The following ATP8B1 variants were observed in gnomAD, a reference collection of about 807,000 sequenced individuals.
ATP8B1 encodes ATPase phospholipid transporting 8B1.
A neutral mutation model predicts 149.9 loss-of-function variants in ATP8B1; 80 were observed. The ratio of observed to expected loss-of-function variants is 0.53; its 90% CI spans 0.45 to 0.64. The LOEUF is 0.64. Among genes scored for constraint, ATP8B1 ranks in the 30% least tolerant of loss-of-function variants. ATP8B1 has a pLI of 0.00. For missense variants in ATP8B1, 1,247 were observed against 1,552.6 expected (o/e 0.80, Z 3.31); for synonymous variants, 536 against 562.8 (o/e 0.95, Z 0.67).
intron 11 of ATP8B1, among the ~76,000 whole-genome samples, chr18:57,693,671 G>T (rs1184820589): frequency 6.6e-6 from 1 of 151,942 alleles, no homozygotes; most frequent in Non-Finnish European, 1.5e-5. Flanking sequence ...TCATGCCATT[G>T]TACTCCAGCC....
intron 2 of ATP8B1, among the ~76,000 whole-genome samples, chr18:57,730,188 G>A (rs1333955627): frequency 2.0e-5 from 3 of 148,430 alleles, no homozygotes; most frequent in African/African-American, 7.4e-5. Flanking sequence ...AAAATTATTA[G>A]AAAAAAATAG....
chr18:57,740,137 C>A (rs1463447100), intron 1 of ATP8B1, among the ~76,000 whole-genome samples: 1 of 152,088 alleles, frequency 6.6e-6, no homozygotes, highest in Non-Finnish European at 1.5e-5. Flanking sequence ...GTTGCCCAGA[C>A]TGGAGTTCAA....
chr18:57,729,549 C>CTTTCTTT lies in ATP8B1; in HGVS notation c.181+2077_181+2078insAAAGAAA, dbSNP rs1341032294. The stretch of plus-strand genomic sequence containing the variant: ...GGTGGGAATTCCATTTTCTTTCTTT[C>CTTTCTTT]TTTTTTTTTTTTTTTTTTGAGTTGG... On this transcript the variant is annotated intron_variant, in intron 2 of 27. Coordinates refer to ENST00000648908, the MANE Select transcript of ATP8B1 (RefSeq NM_001374385.1). Among the ~76,000 whole-genome samples, 430 of 120,668 alleles carry CTTTCTTT rather than the reference C, an allele frequency of 3.6e-3. 6 individuals carry two copies. The highest frequency in any genetic ancestry group is 0.013 in the African/African-American group (410 of 31,242). The allele number at this position is 120,668 out of a possible 152,430, so 79.2% of individuals were successfully genotyped here.
intron 6 of ATP8B1, 82 bp from the exon 7 acceptor site, chr18:57,697,949 T>G (rs1473584988): frequency 7.7e-7 from 1 of 1,299,740 alleles, no homozygotes; most frequent in African/African-American, 1.5e-5. Context: ...ATGTTATAGA[T>G]TCTGGAAAAT....
At chr18:57,719,384 C>T (rs910055518) in intron 2 of ATP8B1, among the ~76,000 whole-genome samples, 6 of 152,148 alleles carry the variant, frequency 3.9e-5, no homozygotes, top group African/African-American at 9.7e-5. Flanking sequence ...AGACAGTGGG[C>T]GCAGGCCAGT....
chr18:57,775,223 G>T (rs1039767215), intron 1 of ATP8B1, among the ~76,000 whole-genome samples: 19 of 152,112 alleles, frequency 1.2e-4, no homozygotes, highest in Non-Finnish European at 2.8e-4. Flanking sequence ...AAGCTGAGTC[G>T]GGAGGATTGC....
intron 1 of ATP8B1, among the ~76,000 whole-genome samples, chr18:57,746,156 TTC>T (rs1182208184): frequency 6.6e-6 from 1 of 152,166 alleles, no homozygotes; most frequent in African/African-American, 2.4e-5. Context: ...AGATACATAA[TTC>T]TCTGTGTGTT....
rs528058356 is a variant in ATP8B1 at position 57,759,955 on chromosome 18, T to C, written c.-25-28123A>G. On this transcript the variant is annotated intron_variant, in intron 1 of 27. Coordinates refer to ENST00000648908, the MANE Select transcript of ATP8B1 (RefSeq NM_001374385.1). ...TGACTGGCAATTGCTACCACCCTCC[T>C]ACCATTCCCATCATGTAGGAGAGCT... 7.9e-5 allele frequency among the ~76,000 whole-genome samples: 12 copies of C among 152,238 alleles called. No homozygotes were observed. In the East Asian group the frequency reaches 2.1e-3, roughly 27 times the overall value.
At chr18:57,686,194 G>A (rs72944195) in intron 13 of ATP8B1, among the ~76,000 whole-genome samples, 31,485 of 151,868 alleles carry the variant, frequency 0.21, 4,059 homozygotes, top group East Asian at 0.39. Context: ...CCTGGGAGGC[G>A]GAGGGGTTGC....
intron 20 of ATP8B1, among the ~76,000 whole-genome samples, chr18:57,665,539 C>T (rs1599088058): frequency 6.6e-6 from 1 of 152,070 alleles, no homozygotes; most frequent in African/African-American, 2.4e-5. Context: ...AAGCATTAAG[C>T]ATTTATTTGT....
Position 57,697,820 on chromosome 18 carries a change from C to G in ATP8B1, c.602G>C (p.Arg201Pro). The G allele has an allele frequency of 6.2e-7, 1 of 1,613,764 alleles. No individual in the cohort carries two copies. The highest frequency in any genetic ancestry group is 8.5e-7 in the Non-Finnish European group (1 of 1,179,924). The change falls in exon 7 of 28, where the codon CGT (arginine) becomes CCT (proline). Residue 201 changes from arginine (R) to proline (P), a missense_variant. Around this residue, in one of 3 missense-constraint regions of ATP8B1, gnomAD observed 853 missense variants for 1,035.7 expected, o/e 0.82. Transcript: ENST00000648908. Reference sequence around the variant, plus strand: ...TGGAACAAAATCATTTTTTTTCAGACGAATGACGTCTCCAACTTGAATTTC... The same window carrying G: ...TGGAACAAAATCATTTTTTTTCAGAGGAATGACGTCTCCAACTTGAATTTC... ...WKEIQVGDVI[R>P]LKKNDFVPAD...
chr18:57,753,665 C>T (rs887131270), intron 1 of ATP8B1, among the ~76,000 whole-genome samples: 5 of 152,122 alleles, frequency 3.3e-5, no homozygotes, highest in African/African-American at 9.7e-5. Context: ...CAGTGGCTCA[C>T]GCCTGTAATC....
rs1023984078 is a variant in ATP8B1 at position 57,674,633 on chromosome 18, G to A, written c.1819+201C>T. Among the ~76,000 whole-genome samples, 11 of 151,978 alleles carry A rather than the reference G, an allele frequency of 7.2e-5. No homozygotes were observed. Among genetic ancestry groups the A allele is most frequent in the East Asian group, 3.9e-4 (2 of 5,168 alleles). On this transcript the variant is annotated intron_variant, in intron 16 of 27. Coordinates refer to ENST00000648908, the MANE Select transcript of ATP8B1 (RefSeq NM_001374385.1). Reference sequence around the variant, plus strand: ...GATCTCCTGACCTCGTGATCCACCCGCCTCGGCCTCCCAAAGTGCTGGGAT... The same window carrying A: ...GATCTCCTGACCTCGTGATCCACCCACCTCGGCCTCCCAAAGTGCTGGGAT...
chr18:57,772,785 T>C (rs867770449), intron 1 of ATP8B1, among the ~76,000 whole-genome samples: 7 of 151,964 alleles, frequency 4.6e-5, no homozygotes, highest in South Asian at 2.1e-4. Flanking sequence ...GATGAGGACA[T>C]AGAGCAGGGA....
At chr18:57,800,610 AAAGT>A (rs1285151219) in intron 1 of ATP8B1, among the ~76,000 whole-genome samples, 3 of 152,248 alleles carry the variant, frequency 2.0e-5, no homozygotes, top group African/African-American at 7.2e-5. Context: ...TCTAATAAAG[AAAGT>A]AAGAAACCAA....
intron 1 of ATP8B1, among the ~76,000 whole-genome samples, chr18:57,783,921 G>A (rs1182999731): frequency 1.3e-5 from 2 of 152,162 alleles, no homozygotes; most frequent in Non-Finnish European, 2.9e-5. Flanking sequence ...AGGGCGCATG[G>A]TGACAGAGCT....
intron 1 of ATP8B1, among the ~76,000 whole-genome samples, chr18:57,793,883 C>T (rs929752765): frequency 2.0e-5 from 3 of 152,218 alleles, no homozygotes; most frequent in African/African-American, 7.2e-5. Flanking sequence ...CTGCTACTTA[C>T]ATCACCATTC....
At chr18:57,652,218 A>G (rs569790496) in intron 25 of ATP8B1, 46 bp from the exon 26 acceptor site, 2 of 1,609,516 alleles carry the variant, frequency 1.2e-6, no homozygotes, top group South Asian at 2.2e-5. Flanking sequence ...TTGGGGAGTT[A>G]GCAAGAAATA....
intron 2 of ATP8B1, among the ~76,000 whole-genome samples, chr18:57,716,045 C>T (rs1440671133): frequency 1.3e-5 from 2 of 151,864 alleles, no homozygotes; most frequent in African/African-American, 2.4e-5. Flanking sequence ...AGACATAGTA[C>T]AATAAGATAT....
Sources: allele counts gnomAD v4.1 joint callset (sites outside exome capture counted in the v4.1 genomes callset), GRCh38; gene constraint gnomAD v4.1.1; regional missense constraint gnomAD v4.1.1; transcripts MANE v1.5; gene names NCBI Gene and HGNC (gene_info 2026-07-23, HGNC 2026-07-21).